Variants in ABHD12 observed in about 807,000 individuals in gnomAD.
ABHD12 encodes abhydrolase domain containing 12, lysophospholipase, also known as lysophosphatidylserine lipase ABHD12.
ABHD12 carries 43 observed loss-of-function variants against 58.3 expected under a neutral mutation model. The observed-to-expected ratio is 0.74, with a 90% CI of 0.58 to 0.95. ABHD12 has a LOEUF of 0.95. Among genes scored for constraint, ABHD12 ranks in the 40% least tolerant of loss-of-function variants. ABHD12 has a pLI of 0.00. For missense variants in ABHD12, 539 were observed against 537.2 expected, an observed-to-expected ratio of 1.00 and a Z score of -0.03; for synonymous variants, 219 against 211.2, an observed-to-expected ratio of 1.04 and a Z score of -0.32.
chr20:25,295,929 C>T (rs1718180698), downstream of ABHD12, among the ~76,000 whole-genome samples: 1 of 152,316 alleles, frequency 6.6e-6, no homozygotes, highest in Non-Finnish European at 1.5e-5. Flanking sequence ...CGGGCAGGGC[C>T]CTGGGAGGGA....
chr20:25,389,789 A>G (rs1469293710), intron 1 of ABHD12: 1 of 152,316 alleles, frequency 6.6e-6, no homozygotes, highest in Non-Finnish European at 1.5e-5. Flanking sequence ...AACCATCACC[A>G]GCAGAGCGAA....
At chr20:25,299,185 T>C (rs1486730040), downstream of ABHD12, among the ~76,000 whole-genome samples, 1 of 152,182 alleles carries the variant, frequency 6.6e-6, no homozygotes, top group South Asian at 2.1e-4. Context: ...GGAGGATTGC[T>C]CAGGAGTTCG....
intron 1 of ABHD12, among the ~76,000 whole-genome samples, chr20:25,344,651 A>G (rs970411138): frequency 6.6e-6 from 1 of 152,244 alleles, no homozygotes; most frequent in African/African-American, 2.4e-5. Flanking sequence ...TTTCCCGGAT[A>G]TTGACAAACT....
intron 2 of ABHD12, among the ~76,000 whole-genome samples, chr20:25,334,828 G>A (rs1357985874): frequency 2.7e-5 from 4 of 147,458 alleles, no homozygotes; most frequent in African/African-American, 1.0e-4. Context: ...AGACTTAAAC[G>A]TTAGACCTAA....
intron 3 of ABHD12, among the ~76,000 whole-genome samples, chr20:25,321,570 C>A (rs571437884): frequency 6.6e-6 from 1 of 152,266 alleles, no homozygotes; most frequent in Non-Finnish European, 1.5e-5. Flanking sequence ...CAACACACAG[C>A]GTGGCTGTCA....
intron 2 of ABHD12, among the ~76,000 whole-genome samples, chr20:25,332,469 A>C (rs912077954): frequency 6.6e-6 from 1 of 151,554 alleles, no homozygotes; most frequent in Non-Finnish European, 1.5e-5. Context: ...ATAGACATCT[A>C]CAGAACTCTC....
At chr20:25,323,528 T>C (rs181434405) in intron 2 of ABHD12, 98 bp from the exon 3 acceptor site, 8 of 792,660 alleles carry the variant, frequency 1.0e-5, no homozygotes, top group Non-Finnish European at 1.4e-5. Context: ...CAGATATGCA[T>C]CCACACGTGC....
At chr20:25,347,906 GA>G (rs754926629) in intron 1 of ABHD12, among the ~76,000 whole-genome samples, 2,204 of 130,732 alleles carry the variant, frequency 0.017, 43 homozygotes, top group African/African-American at 0.048. Flanking sequence ...TGTGGGTTTA[GA>G]AAAAAAAAAA....
chr20:25,305,363 C>T (rs2088716066), intron 10 of ABHD12, among the ~76,000 whole-genome samples: 1 of 142,356 alleles, frequency 7.0e-6, no homozygotes, highest in Admixed American at 7.2e-5. Context: ...GTTTTACTTT[C>T]CCTCTTTTTT....
At chr20:25,315,437 AT>A (rs927284805) in intron 5 of ABHD12, among the ~76,000 whole-genome samples, 8 of 150,590 alleles carry the variant, frequency 5.3e-5, no homozygotes, top group South Asian at 2.1e-4. Context: ...TTTTTCTGTT[AT>A]TTTTTTTTAA....
chr20:25,385,021 T>C (rs762445194), intron 1 of ABHD12, among the ~76,000 whole-genome samples: 2 of 152,110 alleles, frequency 1.3e-5, no homozygotes, highest in African/African-American at 2.4e-5. Context: ...ATATTAGATA[T>C]ATTACTGACT....
intron 1 of ABHD12, among the ~76,000 whole-genome samples, chr20:25,382,825 T>G (rs1045093280): frequency 6.6e-6 from 1 of 152,116 alleles, no homozygotes. Flanking sequence ...TGCAGAGTCC[T>G]AATAAAGCAG....
downstream of ABHD12, chr20:25,296,343 A>G: frequency 6.2e-7 from 1 of 1,613,588 alleles, no homozygotes; most frequent in Admixed American, 1.7e-5. Flanking sequence ...GTGACGCCAG[A>G]GACTAATTTC....
chr20:25,380,907 C>A (rs185333769), intron 1 of ABHD12, among the ~76,000 whole-genome samples: 83 of 152,316 alleles, frequency 5.4e-4, no homozygotes, highest in Admixed American at 2.2e-3. Flanking sequence ...TTCTCCTGCC[C>A]CAAAGCACTT....
chr20:25,314,853 G>A, intron 6 of ABHD12, 72 bp downstream of exon 6: 1 of 1,552,118 alleles, frequency 6.4e-7, no homozygotes, highest in Non-Finnish European at 8.9e-7. Flanking sequence ...CTCTTCGAGT[G>A]AGGCCTGCCC....
chr20:25,305,875 G>A (rs1399035324), intron 10 of ABHD12, among the ~76,000 whole-genome samples: 1 of 152,094 alleles, frequency 6.6e-6, no homozygotes, highest in Non-Finnish European at 1.5e-5. Flanking sequence ...TTCTGATTAA[G>A]TCAGTATCAG....
chr20:25,330,068 G>A (rs149458680), intron 2 of ABHD12, among the ~76,000 whole-genome samples: 5,638 of 152,352 alleles, frequency 0.037, 129 homozygotes, highest in Non-Finnish European at 0.054. Flanking sequence ...CATCTCACTA[G>A]GGAGTGCCAG....
At chr20:25,335,785 C>T (rs563292464) in intron 2 of ABHD12, among the ~76,000 whole-genome samples, 13 of 137,778 alleles carry the variant, frequency 9.4e-5, no homozygotes, top group South Asian at 7.2e-4. Flanking sequence ...GGAAGGGGAA[C>T]ATCACACTCT....
intron 10 of ABHD12, among the ~76,000 whole-genome samples, chr20:25,306,010 C>CA (rs1181876094): frequency 1.3e-5 from 2 of 151,660 alleles, no homozygotes; most frequent in African/African-American, 4.8e-5. Context: ...TACAAAAATA[C>CA]AAAAAAATTA....
Sources: allele counts gnomAD v4.1 joint callset (sites outside exome capture counted in the v4.1 genomes callset), GRCh38; gene constraint gnomAD v4.1.1; transcripts MANE v1.5; gene names NCBI Gene and HGNC (gene_info 2026-07-23, HGNC 2026-07-21).